The following FBXO34 variants were observed in gnomAD, a reference collection of about 807,000 sequenced individuals.
FBXO34 encodes F-box protein 34, also known as F-box only protein 34.
A neutral mutation model predicts 24.5 loss-of-function variants in FBXO34; 12 were observed. That is an observed-to-expected ratio of 0.49 (90% CI 0.31 to 0.79). The LOEUF (loss-of-function observed/expected upper bound fraction) is 0.79, where lower values mean the gene tolerates loss of function less well. Among genes scored for constraint, FBXO34 ranks in the 30% least tolerant of loss-of-function variants. The pLI is 0.04. For missense variants in FBXO34, 823 were observed against 857.7 expected (o/e 0.96, Z 0.51); for synonymous variants, 320 against 311.9 (o/e 1.03, Z -0.27).
At chr14:55,406,729 T>G in the FBXO34 span, among the ~76,000 whole-genome samples, 3 of 152,322 alleles carry the variant, frequency 2.0e-5, no homozygotes, top group Admixed American at 6.5e-5. Flanking sequence ...CAAACTATTC[T>G]TCTTAAAGCA....
intron 1 of FBXO34, among the ~76,000 whole-genome samples, chr14:55,326,363 C>T (rs1414374198): frequency 2.0e-5 from 3 of 152,174 alleles, no homozygotes; most frequent in African/African-American, 7.2e-5. Flanking sequence ...AGACTTCGGC[C>T]GAGTTGCCTA....
At chr14:55,392,847 C>T in the FBXO34 span, among the ~76,000 whole-genome samples, 1 of 152,032 alleles carries the variant, frequency 6.6e-6, no homozygotes, top group East Asian at 1.9e-4. Context: ...TCTAACATCT[C>T]GAATAGAGTC....
the FBXO34 span, chr14:55,381,873 G>T: frequency 9.1e-7 from 1 of 1,094,764 alleles, no homozygotes; most frequent in Non-Finnish European, 1.4e-6. Context: ...GCCCCTGAAT[G>T]GTTCACTTGA....
chr14:55,397,319 C>A, the FBXO34 span: 1 of 1,478,380 alleles, frequency 6.8e-7, no homozygotes, highest in South Asian at 1.1e-5. Flanking sequence ...TGAATTCAAC[C>A]AAATGTTGAC....
At position 55,353,408 on chromosome 14, in the gene FBXO34, G is replaced by A. The variant is rs1884460771; in HGVS notation, c.*882G>A. 6.0e-6 allele frequency: 1 copy of A among 166,896 alleles called. No individual in the cohort carries two copies. Among genetic ancestry groups the A allele is most frequent in the South Asian group, 2.1e-4 (1 of 4,820 alleles). 10.3% of individuals were successfully genotyped at this position (166,896 alleles called of 1,614,324 possible). On this transcript the variant is annotated 3_prime_UTR_variant, in exon 2 of 2. Transcript: ENST00000313833. ...GAGAAGAAACTCTAAATAGTTGAAA[G>A]GCTAACCTGCTCAAAGGATACCAAA...
chr14:55,388,324 C>A, the FBXO34 span, among the ~76,000 whole-genome samples: 1 of 152,168 alleles, frequency 6.6e-6, no homozygotes, highest in Admixed American at 6.5e-5. Context: ...GGGGAAGATC[C>A]ATTTCAAATT....
downstream of FBXO34, among the ~76,000 whole-genome samples, chr14:55,372,939 C>T (rs1312881215): frequency 6.6e-6 from 1 of 152,190 alleles, no homozygotes; most frequent in African/African-American, 2.4e-5. Flanking sequence ...GAAGACTCCT[C>T]AAGGGGCCAG....
chr14:55,278,033 G>A lies in FBXO34; in HGVS notation c.-11+6496G>A, dbSNP rs183404912. 3.9e-5 allele frequency among the ~76,000 whole-genome samples: 6 copies of A among 152,122 alleles called. No homozygotes were observed. In the East Asian group the frequency reaches 1.2e-3, roughly 29 times the overall value. ...GCCTGCCAAGGGGGCTACTGCCACC[G>A]CAGCACCGAGAACCATGTCGTTGAA... is the stretch of plus-strand genomic sequence containing the variant. On this transcript the variant is annotated intron_variant, in intron 1 of 1. Coordinates refer to ENST00000313833, the MANE Select transcript of FBXO34 (RefSeq NM_017943.4).
chr14:55,395,148 G>A, the FBXO34 span: 1 of 471,026 alleles, frequency 2.1e-6, no homozygotes. Context: ...TTTTGCAGGA[G>A]CAGGTTCAGC....
At chr14:55,363,799 G>A (rs1261980260), downstream of FBXO34, among the ~76,000 whole-genome samples, 1 of 151,678 alleles carries the variant, frequency 6.6e-6, no homozygotes, top group East Asian at 1.9e-4. Context: ...TGTTTTATGT[G>A]TGGCCCAAGA....
Position 55,306,866 on chromosome 14 carries a change from TA to T in FBXO34, c.-11+35330del, listed in dbSNP as rs1882566318. Among the ~76,000 whole-genome samples, 6 of 129,880 alleles carry T rather than the reference TA, an allele frequency of 4.6e-5. No homozygotes were observed. In the South Asian group the frequency reaches 1.2e-3, roughly 27 times the overall value. 85.2% of individuals were successfully genotyped at this position (129,880 alleles called of 152,430 possible). A position where few individuals can be genotyped will look rare whatever the true frequency, so the allele number is the denominator to read the frequency against. ...ACAAAACAAAACAAAAAACAGGCCATATTTAGGTCTTACTAAATGGAAACCT... is the reference window on the plus strand; with the variant it reads ...ACAAAACAAAACAAAAAACAGGCCATTTTAGGTCTTACTAAATGGAAACCT... On this transcript the variant is annotated intron_variant, in intron 1 of 1. Transcript: ENST00000313833.
intron 1 of FBXO34, among the ~76,000 whole-genome samples, chr14:55,315,373 A>G (rs1262163966): frequency 3.3e-5 from 5 of 152,156 alleles, no homozygotes; most frequent in Admixed American, 1.3e-4. Context: ...CTGGTTGCCT[A>G]CTGGTTTTAT....
At chr14:55,361,573 TTCTC>T (rs1349566980) in intron 3 of FBXO34, among the ~76,000 whole-genome samples, 5 of 152,222 alleles carry the variant, frequency 3.3e-5, no homozygotes, top group East Asian at 1.9e-4. Context: ...AGGCACTGGC[TTCTC>T]TCTAAGTTGT....
At chr14:55,340,223 A>G (rs150713237) in intron 1 of FBXO34, among the ~76,000 whole-genome samples, 1 of 151,770 alleles carries the variant, frequency 6.6e-6, no homozygotes, top group Non-Finnish European at 1.5e-5. Flanking sequence ...GTGCACTAAT[A>G]CTTGTTATCC....
At chr14:55,432,004 A>G in the FBXO34 span, among the ~76,000 whole-genome samples, 1 of 152,260 alleles carries the variant, frequency 6.6e-6, no homozygotes, top group African/African-American at 2.4e-5. Context: ...ATGAAAGTCA[A>G]TATTTGTATA....
At chr14:55,402,868 G>C in the FBXO34 span, among the ~76,000 whole-genome samples, 1 of 95,922 alleles carries the variant, frequency 1.0e-5, no homozygotes, top group Non-Finnish European at 1.9e-5. Context: ...GACCAGCCTG[G>C]CAACATAGTA....
intron 1 of FBXO34, among the ~76,000 whole-genome samples, chr14:55,315,431 T>C (rs919262431): frequency 1.2e-4 from 18 of 152,226 alleles, no homozygotes; most frequent in African/African-American, 4.1e-4. Flanking sequence ...CTTAGAGATA[T>C]TCATTACCTC....
At chr14:55,340,814 TG>T (rs1360888668) in intron 1 of FBXO34, among the ~76,000 whole-genome samples, 2 of 152,222 alleles carry the variant, frequency 1.3e-5, no homozygotes, top group Non-Finnish European at 2.9e-5. Flanking sequence ...ATTTTTGAAC[TG>T]GATTCAAGGC....
chr14:55,290,566 C>T (rs1210876776), intron 1 of FBXO34, among the ~76,000 whole-genome samples: 1 of 152,082 alleles, frequency 6.6e-6, no homozygotes, highest in Admixed American at 6.6e-5. Context: ...CCTGTGTCCT[C>T]ATTGACTTAG....
Sources: allele counts gnomAD v4.1 joint callset (sites outside exome capture counted in the v4.1 genomes callset), GRCh38; gene constraint gnomAD v4.1.1; transcripts MANE v1.5; gene names NCBI Gene and HGNC (gene_info 2026-07-23, HGNC 2026-07-21).